The following TRMT44 variants were observed in gnomAD, a reference collection of about 807,000 sequenced individuals.
TRMT44 encodes probable tRNA (uracil-O(2)-)-methyltransferase.
In TRMT44, 78 loss-of-function variants were observed where a neutral mutation model predicts 77.3. The ratio of observed to expected loss-of-function variants is 1.01; its 90% CI spans 0.84 to 1.22. The LOEUF (loss-of-function observed/expected upper bound fraction) is 1.22. Ranked by LOEUF, TRMT44 falls within the 50% of genes most tolerant of loss-of-function variation. The pLI is 0.00. For synonymous variants in TRMT44, 391 were observed against 383.3 expected (o/e 1.02, Z -0.23); for missense variants, 1,090 against 964.4 (o/e 1.13, Z -1.73).
Position 8,451,877 on chromosome 4 carries a change from A to G in TRMT44, c.955-83A>G. 1.6e-6 allele frequency: 2 copies of G among 1,268,476 alleles called. No homozygotes were observed. The highest frequency in any genetic ancestry group is 2.5e-5 in the East Asian group (1 of 39,318). 78.6% of individuals were successfully genotyped at this position (1,268,476 alleles called of 1,614,324 possible). A position where few individuals can be genotyped will look rare whatever the true frequency, so the allele number is the denominator to read the frequency against. ...GTGTACGATTAGTCCAGTTTGATTTATGCTTTATAGGGATACTTAAAGTAT... is the reference window on the plus strand; with the variant it reads ...GTGTACGATTAGTCCAGTTTGATTTGTGCTTTATAGGGATACTTAAAGTAT... On this transcript the variant is annotated intron_variant, in intron 3 of 10. Coordinates refer to ENST00000389737, the MANE Select transcript of TRMT44 (RefSeq NM_152544.3). This position sits in a 1 kb window ranked among gnomAD's most constrained non-coding sequence, Gnocchi z 4.1.
chr4:8,486,124 C>T (rs1410517491), intron 2 of TRMT44, among the ~76,000 whole-genome samples: 1 of 152,124 alleles, frequency 6.6e-6, no homozygotes, highest in African/African-American at 2.4e-5. Context: ...GGAGTGGCTG[C>T]CAGGTGAGTT....
At chr4:8,482,292 T>G (rs1727640371) in intron 2 of TRMT44, 1 of 152,278 alleles carries the variant, frequency 6.6e-6, no homozygotes, top group Non-Finnish European at 1.5e-5. Flanking sequence ...TTTTGCAGCC[T>G]CCTCATCCTG....
chr4:8,484,593 C>T (rs893792335), intron 2 of TRMT44, among the ~76,000 whole-genome samples: 3 of 152,172 alleles, frequency 2.0e-5, no homozygotes, highest in Non-Finnish European at 4.4e-5. Context: ...ATTCCTACTG[C>T]ACAGCCCTGC....
intron 10 of TRMT44, among the ~76,000 whole-genome samples, chr4:8,475,472 C>T (rs1454844069): frequency 1.3e-5 from 2 of 152,186 alleles, no homozygotes; most frequent in Admixed American, 1.3e-4. Context: ...GCAGTCTGTC[C>T]TGGGACACTC....
At chr4:8,468,590 T>A (rs1726765881) in intron 9 of TRMT44, 2 of 594,610 alleles carry the variant, frequency 3.4e-6, no homozygotes, top group Non-Finnish European at 3.0e-6. Context: ...TAATTAACTT[T>A]TACCAAACAT....
At chr4:8,505,102 G>T in the TRMT44 span, among the ~76,000 whole-genome samples, 2 of 152,156 alleles carry the variant, frequency 1.3e-5, no homozygotes, top group Non-Finnish European at 2.9e-5. Context: ...GGAAGAGGCG[G>T]TGCTACACTG....
intron 8 of TRMT44, among the ~76,000 whole-genome samples, chr4:8,466,676 G>A (rs1014047845): frequency 6.6e-6 from 1 of 152,252 alleles, no homozygotes; most frequent in Non-Finnish European, 1.5e-5. Context: ...TCCTCTAGGC[G>A]GGTCCGAGGA....
At chr4:8,460,753 C>T (rs753025541) in intron 6 of TRMT44, among the ~76,000 whole-genome samples, 1 of 152,180 alleles carries the variant, frequency 6.6e-6, no homozygotes, top group Non-Finnish European at 1.5e-5. Flanking sequence ...GGGGTTTTGC[C>T]ATGTTGGCCA....
the TRMT44 span, among the ~76,000 whole-genome samples, chr4:8,507,674 G>A: frequency 9.9e-5 from 15 of 152,174 alleles, no homozygotes; most frequent in Admixed American, 7.2e-4. Context: ...TGCTTGCTGG[G>A]ATCCTGGGTC....
At chr4:8,516,142 C>T in the TRMT44 span, among the ~76,000 whole-genome samples, 1 of 152,150 alleles carries the variant, frequency 6.6e-6, no homozygotes, top group Non-Finnish European at 1.5e-5. Context: ...CAGTGCGGCG[C>T]CCTCTGTGCT....
chr4:8,478,221 A>G (rs1031640489), downstream of TRMT44: 1 of 152,746 alleles, frequency 6.5e-6, no homozygotes, highest in Non-Finnish European at 1.5e-5. Context: ...CCTGGGGAAG[A>G]TGAGCTCCCC....
chr4:8,511,027 A>G, the TRMT44 span: 3 of 152,390 alleles, frequency 2.0e-5, no homozygotes, highest in East Asian at 1.9e-4. Context: ...GGCCGGGAGC[A>G]TGCTCCCTGT....
At chr4:8,469,317 CGT>C (rs1726824140) in intron 9 of TRMT44, among the ~76,000 whole-genome samples, 1 of 152,174 alleles carries the variant, frequency 6.6e-6, no homozygotes, top group Admixed American at 6.5e-5. Flanking sequence ...CACCAGGCAC[CGT>C]GGGGCCTCTG....
intron 10 of TRMT44, among the ~76,000 whole-genome samples, chr4:8,474,690 C>G (rs777819851): frequency 2.0e-5 from 3 of 152,228 alleles, no homozygotes; most frequent in African/African-American, 7.2e-5. Context: ...TTTATTCCCC[C>G]GAGCCTTCTG....
intron 2 of TRMT44, among the ~76,000 whole-genome samples, chr4:8,487,123 T>C (rs1175891817): frequency 6.6e-6 from 1 of 152,194 alleles, no homozygotes; most frequent in African/African-American, 2.4e-5. Context: ...AAGAATTATT[T>C]AGATCTTGCA....
At chr4:8,448,651 A>G (rs895884082) in intron 2 of TRMT44, among the ~76,000 whole-genome samples, 2 of 152,242 alleles carry the variant, frequency 1.3e-5, no homozygotes, top group African/African-American at 4.8e-5. Flanking sequence ...CAGACCTCAC[A>G]GTCCCGAGCA....
rs1297867665 is a variant in TRMT44 at position 8,452,675 on chromosome 4, A to G, written c.1024-207A>G. ...CTTGAACCCAGGAGGCGGAGGTTGC[A>G]GTGACCAGAGATTGCATCATTGCAC... On this transcript the variant is annotated intron_variant, in intron 4 of 10. Transcript: ENST00000389737. This position sits in a 1 kb window ranked among gnomAD's most constrained non-coding sequence, Gnocchi z 5.7. Among the ~76,000 whole-genome samples the G allele has an allele frequency of 6.6e-6, 1 of 152,124 alleles. No individual in the cohort carries two copies. The highest frequency in any genetic ancestry group is 1.5e-5 in the Non-Finnish European group (1 of 68,016).
intron 6 of TRMT44, among the ~76,000 whole-genome samples, chr4:8,460,895 G>A (rs568020061): frequency 6.6e-6 from 1 of 152,270 alleles, no homozygotes; most frequent in Non-Finnish European, 1.5e-5. Context: ...TGTTGCCCAG[G>A]CTGGAGTACA....
chr4:8,503,567 A>G, the TRMT44 span, among the ~76,000 whole-genome samples: 8,870 of 152,124 alleles, frequency 0.058, 615 homozygotes, highest in African/African-American at 0.18. Context: ...GTTTGGTGGA[A>G]CTCCTGGGCC....
Sources: allele counts gnomAD v4.1 joint callset (sites outside exome capture counted in the v4.1 genomes callset), GRCh38; gene constraint gnomAD v4.1.1; non-coding constraint Gnocchi (gnomAD v3.1); transcripts MANE v1.5; gene names NCBI Gene and HGNC (gene_info 2026-07-23, HGNC 2026-07-21).